Variants in LY6E observed in about 807,000 individuals in gnomAD.
LY6E encodes the protein lymphocyte antigen 6E.
In LY6E, 4 loss-of-function variants were observed where a neutral mutation model predicts 7.7. That is an observed-to-expected ratio of 0.52 (90% CI 0.25 to 1.18). LY6E has a LOEUF of 1.18. LY6E is among the 50% of genes most tolerant of loss of function. The pLI, the probability that LY6E is intolerant of heterozygous loss-of-function variation, is 0.14. For synonymous variants in LY6E, 81 were observed against 80.1 expected, an observed-to-expected ratio of 1.01 and a Z score of -0.06; for missense variants, 156 against 168.0, an observed-to-expected ratio of 0.93 and a Z score of 0.40.
chr8:143,020,448 GGT>G (rs1819190333), intron 1 of LY6E: 1 of 157,904 alleles, frequency 6.3e-6, no homozygotes, highest in African/African-American at 2.4e-5. Flanking sequence ...TGCCCAGGGT[GGT>G]CTCAAACCCC....
At position 143,022,122 on chromosome 8, in the gene LY6E, T is replaced by G. The variant is rs1361541659; in HGVS notation, c.*333T>G. On this transcript the variant is annotated 3_prime_UTR_variant, in exon 4 of 4. Transcript: ENST00000292494. ...CAGGGAGACCGTGTCAGTAGGGATG[T>G]GTGCCTGGCTGTGTACGTGGGTGTG... The G allele has an allele frequency of 8.9e-6, 4 of 449,866 alleles. No homozygotes were observed. The East Asian group carries it at 1.5e-4, about 17-fold the overall frequency. The allele number at this position is 449,866 out of a possible 1,614,324, so 27.9% of individuals were successfully genotyped here. A position where few individuals can be genotyped will look rare whatever the true frequency, so the allele number is the denominator to read the frequency against.
In LY6E at chr8:143,021,171, G is replaced by A. The variant is rs115697076; in HGVS notation, c.53-143G>A. 476 of 1,290,996 alleles carry A rather than the reference G, an allele frequency of 3.7e-4. 4 individuals carry two copies. In the African/African-American group the frequency reaches 6.0e-3, roughly 16 times the overall value. 80.0% of individuals were successfully genotyped at this position (1,290,996 alleles called of 1,614,324 possible). On this transcript the variant is annotated intron_variant, in intron 2 of 3. Coordinates refer to ENST00000292494, the MANE Select transcript of LY6E (RefSeq NM_002346.3). Reference sequence around the variant, plus strand: ...TTGAGTGTCGCTTGACCTGCTCGACGGCCAGGGTGGGGTGTCACTGTCTTT... The same window carrying A: ...TTGAGTGTCGCTTGACCTGCTCGACAGCCAGGGTGGGGTGTCACTGTCTTT...
At chr8:143,021,238 AG>A in intron 2 of LY6E, 75 bp from the exon 3 acceptor site, 1 of 1,559,272 alleles carries the variant, frequency 6.4e-7, no homozygotes, top group Non-Finnish European at 8.7e-7. Flanking sequence ...GTAATTTCTC[AG>A]TAAATGTCCA....
At chr8:143,021,189 C>A in intron 2 of LY6E, 125 bp from the exon 3 acceptor site, 1 of 1,394,374 alleles carries the variant, frequency 7.2e-7, no homozygotes, top group Non-Finnish European at 9.8e-7. Flanking sequence ...TGGGGTGTCA[C>A]TGTCTTTGCT....
rs1819246004 is a variant in LY6E at position 143,022,358 on chromosome 8, A to G, written c.*569A>G. The G allele has an allele frequency of 6.4e-6, 1 of 156,270 alleles. No homozygotes were observed. The highest frequency in any genetic ancestry group is 2.4e-5 in the African/African-American group (1 of 41,510). 9.7% of individuals were successfully genotyped at this position (156,270 alleles called of 1,614,324 possible). The stretch of plus-strand genomic sequence containing the variant: ...CAGTCCTGCCCCAGCCCACCCCCAC[A>G]TTGGAGCCCTCCTGCTGCTTTGGTG... On this transcript the variant is annotated 3_prime_UTR_variant, in exon 4 of 4. Coordinates refer to ENST00000292494, the MANE Select transcript of LY6E (RefSeq NM_002346.3).
Position 143,021,738 on chromosome 8 carries a change from T to A in LY6E, c.345T>A (p.Gly115=). The part of the protein sequence containing the change: ...GGLRASVTLL[G]AGLLLSLLPA... ...TGCGGGCAAGCGTCACCCTGCTGGG[T>A]GCCGGGCTGCTGCTGAGCCTGCTGC... The change falls in exon 4 of 4, where the codon GGT becomes GGA. Residue 115 remains glycine (G), a synonymous_variant. Coordinates refer to ENST00000292494, the MANE Select transcript of LY6E (RefSeq NM_002346.3). 1 of 1,612,296 alleles carries A rather than the reference T, an allele frequency of 6.2e-7. No individual in the cohort carries two copies. The highest frequency in any genetic ancestry group is 2.2e-5 in the East Asian group (1 of 44,862).
chr8:143,021,031 T>A, intron 2 of LY6E, 40 bp downstream of exon 2: 1 of 1,598,110 alleles, frequency 6.3e-7, no homozygotes, highest in Non-Finnish European at 8.6e-7. Context: ...TGTCCAGCTG[T>A]GCCCTGCTCC....
In LY6E at chr8:143,021,956, G is replaced by T; in HGVS notation, c.*167G>T. 1.6e-6 allele frequency: 1 copy of T among 644,420 alleles called. No homozygotes were observed. Among genetic ancestry groups the T allele is most frequent in the Admixed American group, 3.0e-5 (1 of 33,482 alleles). The allele number at this position is 644,420 out of a possible 1,614,324, so 39.9% of individuals were successfully genotyped here. On this transcript the variant is annotated 3_prime_UTR_variant, in exon 4 of 4. Coordinates refer to ENST00000292494, the MANE Select transcript of LY6E (RefSeq NM_002346.3). ...TCCACCTGCCCCAGCCCCTGCCTCT[G>T]CCCCAAGTGGGGCCAGCTGCCCTCA...
At chr8:143,020,196 T>A (rs1204503007) in intron 1 of LY6E, 1 of 152,214 alleles carries the variant, frequency 6.6e-6, no homozygotes, top group Non-Finnish European at 1.5e-5. Flanking sequence ...AGATACAGAT[T>A]AGCTAATATA....
At chr8:143,019,256 C>T (rs1163659630) in intron 1 of LY6E, 2 of 152,282 alleles carry the variant, frequency 1.3e-5, no homozygotes, top group Non-Finnish European at 2.9e-5. Context: ...TTCCCTGAGC[C>T]TGGGGATGAG....
At chr8:143,018,624 C>G (rs1417271876) in intron 1 of LY6E, 38 bp downstream of exon 1, 3 of 149,982 alleles carry the variant, frequency 2.0e-5, no homozygotes, top group Admixed American at 1.3e-4. Context: ...GCCCCCGCCA[C>G]CTGCGCGCAC....
rs1344663138 is a variant in LY6E at position 143,021,333 on chromosome 8, C to T, written c.72C>T (p.Phe24=). Residue 24 remains phenylalanine, a synonymous_variant, in exon 3 of 4, where the codon TTC becomes TTT. Transcript: ENST00000292494. ...GVERASSLMC[F]SCLNQKSNLY... ...CCGCAGCCAGCTCGCTGATGTGCTTCTCCTGCTTGAACCAGAAGAGCAATC... is the reference window on the plus strand; with the variant it reads ...CCGCAGCCAGCTCGCTGATGTGCTTTTCCTGCTTGAACCAGAAGAGCAATC... The T allele has an allele frequency of 6.2e-7, 1 of 1,613,890 alleles. No individual in the cohort carries two copies. The highest frequency in any genetic ancestry group is 8.5e-7 in the Non-Finnish European group (1 of 1,180,010).
intron 2 of LY6E, 93 bp downstream of exon 2, chr8:143,021,084 T>TC: frequency 7.0e-7 from 1 of 1,421,006 alleles, no homozygotes; most frequent in Non-Finnish European, 9.8e-7. Flanking sequence ...GCCCCAGGGG[T>TC]CCTTCCAGGC....
Position 143,022,082 on chromosome 8 carries a change from T to TGCTGACAG in LY6E, c.*295_*302dup, listed in dbSNP as rs1321082186. On this transcript the variant is annotated 3_prime_UTR_variant, in exon 4 of 4. Transcript: ENST00000292494. ...ACATCAGGACCAAGTCCCATGGACA[T>TGCTGACAG]GCTGACAGGGTCCCCAGGGAGACCG... 1 of 527,268 alleles carries TGCTGACAG rather than the reference T, an allele frequency of 1.9e-6. No homozygotes were observed. The highest frequency in any genetic ancestry group is 3.3e-6 in the Non-Finnish European group (1 of 298,870). 32.7% of individuals were successfully genotyped at this position (527,268 alleles called of 1,614,324 possible). A position where few individuals can be genotyped will look rare whatever the true frequency, so the allele number is the denominator to read the frequency against.
chr8:143,020,228 A>G (rs115341249), intron 1 of LY6E: 1 of 152,284 alleles, frequency 6.6e-6, no homozygotes, highest in Non-Finnish European at 1.5e-5. Flanking sequence ...ACACATATAG[A>G]TGTGTATATA....
At chr8:143,020,787 C>T in intron 1 of LY6E, 96 bp from the exon 2 acceptor site, 2 of 666,244 alleles carry the variant, frequency 3.0e-6, no homozygotes, top group South Asian at 3.6e-5. Context: ...GGTCCCTTCC[C>T]CTCTGCTGTC....
chr8:143,021,134 C>A, intron 2 of LY6E, 143 bp downstream of exon 2: 1 of 1,223,294 alleles, frequency 8.2e-7, no homozygotes, highest in Non-Finnish European at 1.2e-6. Context: ...GCCACACTGT[C>A]TCACTGTGTG....
In LY6E at chr8:143,021,427, G is replaced by A. The variant is rs142584741; in HGVS notation, c.166G>A (p.Gly56Ser). Reference sequence around the variant, plus strand: ...CTGCGTGACTGTGTCTGCTAGTGCCGGCATTGGTGAGTGCCAGGCCTCAGA... The same window carrying A: ...CTGCGTGACTGTGTCTGCTAGTGCCAGCATTGGTGAGTGCCAGGCCTCAGA... ...NYCVTVSASA[G>S]IGNLVTFGHS... Residue 56 changes from glycine to serine, a missense_variant, in exon 3 of 4, where the codon GGC (glycine) becomes AGC (serine). Transcript: ENST00000292494. The A allele has an allele frequency of 5.6e-5, 91 of 1,613,824 alleles. No homozygotes were observed. The highest frequency in any genetic ancestry group is 4.5e-5 in the East Asian group (2 of 44,890).
Position 143,021,889 on chromosome 8 carries a change from G to A in LY6E, c.*100G>A, listed in dbSNP as rs537237172. On this transcript the variant is annotated 3_prime_UTR_variant, in exon 4 of 4. Coordinates refer to ENST00000292494, the MANE Select transcript of LY6E (RefSeq NM_002346.3). The stretch of plus-strand genomic sequence containing the variant: ...GGAGCCCCTGACTCCTCACGTGCCT[G>A]ATCTGTGCCCTTGGTCCCAGGTCAG... The A allele has an allele frequency of 2.7e-5, 30 of 1,114,222 alleles. 1 individual carries two copies. In the Admixed American group the frequency reaches 4.5e-4, roughly 17 times the overall value. The allele number at this position is 1,114,222 out of a possible 1,614,324, so 69.0% of individuals were successfully genotyped here.
Sources: allele counts gnomAD v4.1 joint callset, GRCh38; gene constraint gnomAD v4.1.1; transcripts MANE v1.5; gene names NCBI Gene and HGNC (gene_info 2026-07-23, HGNC 2026-07-21).